Variants in SLC25A33 observed in about 807,000 individuals in gnomAD.
SLC25A33 encodes solute carrier family 25 member 33.
Under a neutral mutation model 35.5 loss-of-function variants are expected in SLC25A33, and 15 were observed. That is an observed-to-expected ratio of 0.42 (90% CI 0.28 to 0.65). The LOEUF is 0.65. Among genes scored for constraint, SLC25A33 ranks in the 30% least tolerant of loss-of-function variants. SLC25A33 has a pLI of 0.20. For synonymous variants in SLC25A33, 136 were observed against 148.7 expected (o/e 0.91, Z 0.62); for missense variants, 257 against 398.5 (o/e 0.64, Z 3.02).
At chr1:9,553,534 G>T in intron 1 of SLC25A33, 92 bp from the exon 2 acceptor site, 1 of 1,473,378 alleles carries the variant, frequency 6.8e-7, no homozygotes. Flanking sequence ...CGCCCGGCAC[G>T]TTCTAGTTTT....
intron 5 of SLC25A33, 133 bp downstream of exon 5, chr1:9,573,545 G>T (rs556790976): frequency 2.8e-6 from 2 of 705,198 alleles, no homozygotes; most frequent in Non-Finnish European, 4.8e-6. Flanking sequence ...CTAAGTGCAC[G>T]CAGGATTCCT....
chr1:9,567,303 G>A lies in SLC25A33; in HGVS notation c.256G>A (p.Gly86Arg), dbSNP rs1239918856. ...QVLKSILEKE[G>R]PKSLFRGLGP... ...ATTCAGGTCGATCTTGGAGAAAGAG[G>A]GACCAAAGTCACTTTTTAGAGGCTT... The change falls in exon 3 of 7, where the codon GGA becomes AGA. Residue 86 changes from glycine (G) to arginine (R), a missense_variant. Coordinates refer to ENST00000302692, the MANE Select transcript of SLC25A33 (RefSeq NM_032315.3). 6.2e-7 allele frequency: 1 copy of A among 1,613,744 alleles called. No individual in the cohort carries two copies. The highest frequency in any genetic ancestry group is 8.5e-7 in the Non-Finnish European group (1 of 1,179,918).
intron 4 of SLC25A33, among the ~76,000 whole-genome samples, chr1:9,572,664 T>C (rs1261684747): frequency 6.6e-6 from 1 of 152,072 alleles, no homozygotes. Flanking sequence ...ATTAATCTGC[T>C]TCCACAGCAC....
intron 5 of SLC25A33, among the ~76,000 whole-genome samples, chr1:9,576,258 T>A (rs1465823525): frequency 6.6e-6 from 1 of 152,138 alleles, no homozygotes; most frequent in Non-Finnish European, 1.5e-5. Flanking sequence ...ACAGATAAGA[T>A]AATTAAAGTT....
intron 1 of SLC25A33, among the ~76,000 whole-genome samples, chr1:9,542,114 A>C (rs2100364358): frequency 6.6e-6 from 1 of 152,162 alleles, no homozygotes; most frequent in East Asian, 1.9e-4. Context: ...GGTCTTTTAC[A>C]ATTTTTCTTT....
Position 9,539,473 on chromosome 1 carries a change from G to A in SLC25A33, c.-219G>A. The A allele has an allele frequency of 5.4e-6, 1 of 184,948 alleles. No homozygotes were observed. 11.5% of individuals were successfully genotyped at this position (184,948 alleles called of 1,614,324 possible). On this transcript the variant is annotated 5_prime_UTR_variant, in exon 1 of 7. Transcript: ENST00000302692. ...GCCGCGCGCCGGGCTCTAGCTCCCC[G>A]CCGGGCTCGCGCCGCAGAGGCCGGT...
Position 9,539,637 on chromosome 1 carries a change from A to C in SLC25A33, c.-55A>C. On this transcript the variant is annotated 5_prime_UTR_variant, in exon 1 of 7. Transcript: ENST00000302692. ...ACCCGGCGACCTCGCGCATCCCTCG[A>C]GCCGCCACGCGCTCTCGCCACCGGG... 1 of 1,296,098 alleles carries C rather than the reference A, an allele frequency of 7.7e-7. No individual in the cohort carries two copies. Among genetic ancestry groups the C allele is most frequent in the Non-Finnish European group, 9.8e-7 (1 of 1,018,554 alleles). 80.3% of individuals were successfully genotyped at this position (1,296,098 alleles called of 1,614,324 possible).
chr1:9,568,283 A>C (rs1023602111), intron 3 of SLC25A33, among the ~76,000 whole-genome samples: 3 of 151,912 alleles, frequency 2.0e-5, no homozygotes, highest in Admixed American at 6.6e-5. Context: ...CTCTACTAAA[A>C]ATGAAAAATC....
At chr1:9,545,854 T>G (rs567903882) in intron 1 of SLC25A33, among the ~76,000 whole-genome samples, 95 of 151,654 alleles carry the variant, frequency 6.3e-4, no homozygotes, top group African/African-American at 2.2e-3. Flanking sequence ...TTTCAGCTAC[T>G]TGGGAGGCTG....
intron 1 of SLC25A33, 136 bp from the exon 2 acceptor site, chr1:9,553,490 C>G: frequency 2.4e-6 from 2 of 849,266 alleles, no homozygotes; most frequent in Non-Finnish European, 3.6e-6. Context: ...ACCTCAGCCT[C>G]CCAAAGTGCT....
intron 2 of SLC25A33, among the ~76,000 whole-genome samples, chr1:9,555,340 G>A (rs780208282): frequency 1.3e-5 from 2 of 151,770 alleles, no homozygotes; most frequent in East Asian, 3.9e-4. Flanking sequence ...GGATGGTCTC[G>A]ATTTCCTGAC....
intron 2 of SLC25A33, among the ~76,000 whole-genome samples, chr1:9,565,424 G>A (rs1478254571): frequency 6.6e-6 from 1 of 151,674 alleles, no homozygotes; most frequent in Admixed American, 6.6e-5. Context: ...GCTGAGGCAG[G>A]AGAATGGCAT....
At chr1:9,543,954 A>T (rs1326042719) in intron 1 of SLC25A33, among the ~76,000 whole-genome samples, 3 of 151,956 alleles carry the variant, frequency 2.0e-5, no homozygotes, top group African/African-American at 7.3e-5. Flanking sequence ...AAAATACAAA[A>T]ATTAGCTGGG....
rs1431445581 is a variant in SLC25A33 at position 9,584,146 on chromosome 1, T to A, written c.*1645T>A. 1 of 152,206 alleles carries A rather than the reference T, an allele frequency of 6.6e-6. No homozygotes were observed. The highest frequency in any genetic ancestry group is 1.5e-5 in the Non-Finnish European group (1 of 68,038). The allele number at this position is 152,206 out of a possible 1,614,324, so 9.4% of individuals were successfully genotyped here. Reference sequence around the variant, plus strand: ...ATTTGAGTATATTGTACATGAAGGTTGGTTTTCAATTTGAACGTCTAGAAA... The same window carrying A: ...ATTTGAGTATATTGTACATGAAGGTAGGTTTTCAATTTGAACGTCTAGAAA... On this transcript the variant is annotated 3_prime_UTR_variant, in exon 7 of 7. Transcript: ENST00000302692.
intron 2 of SLC25A33, among the ~76,000 whole-genome samples, chr1:9,559,454 T>C (rs1643389463): frequency 6.6e-6 from 1 of 152,096 alleles, no homozygotes; most frequent in African/African-American, 2.4e-5. Context: ...TAAAAGCTGC[T>C]GTCATTATAA....
chr1:9,553,571 T>C, intron 1 of SLC25A33, 55 bp from the exon 2 acceptor site: 1 of 1,583,504 alleles, frequency 6.3e-7, no homozygotes, highest in Non-Finnish European at 8.6e-7. Context: ...AGCTTAGCAT[T>C]CCATTGTGTA....
intron 1 of SLC25A33, among the ~76,000 whole-genome samples, chr1:9,552,531 C>T (rs867481535): frequency 1.3e-5 from 2 of 151,888 alleles, no homozygotes; most frequent in African/African-American, 2.4e-5. Context: ...AGTGCCTGGC[C>T]GAAAGTAATT....
rs1020027099 is a variant in SLC25A33, at chr1:9,574,985, G to A, written c.482+1573G>A. Among the ~76,000 whole-genome samples, 6 of 152,094 alleles carry A rather than the reference G, an allele frequency of 3.9e-5. No homozygotes were observed. The East Asian group carries it at 9.7e-4, about 25-fold the overall frequency. On this transcript the variant is annotated intron_variant, in intron 5 of 6. Coordinates refer to ENST00000302692, the MANE Select transcript of SLC25A33 (RefSeq NM_032315.3). ...TCCCAGCACTTTGAGAGGCTGAGGCGGGCAGATCACGAGGTCAGGAGATCG... is the reference window on the plus strand; with the variant it reads ...TCCCAGCACTTTGAGAGGCTGAGGCAGGCAGATCACGAGGTCAGGAGATCG...
At chr1:9,552,910 C>CTTTTT (rs58092940) in intron 1 of SLC25A33, among the ~76,000 whole-genome samples, 83 of 94,142 alleles carry the variant, frequency 8.8e-4, no homozygotes, top group Non-Finnish European at 1.2e-3. Flanking sequence ...GGGATTTCAA[C>CTTTTT]TTTTTTTTTT....
Sources: allele counts gnomAD v4.1 joint callset (sites outside exome capture counted in the v4.1 genomes callset), GRCh38; gene constraint gnomAD v4.1.1; transcripts MANE v1.5; gene names NCBI Gene and HGNC (gene_info 2026-07-23, HGNC 2026-07-21).